Variants in SPATA25 observed in about 807,000 individuals in gnomAD.
SPATA25 encodes the protein spermatogenesis associated 25.
SPATA25 carries 16 observed loss-of-function variants against 16.0 expected under a neutral mutation model. That is an observed-to-expected ratio of 1.00 (90% CI 0.68 to 1.52). The LOEUF (loss-of-function observed/expected upper bound fraction) is 1.52. Ranked by LOEUF, SPATA25 falls within the 40% of genes most tolerant of loss-of-function variation. The pLI is 0.00. For synonymous variants in SPATA25, 115 were observed against 118.5 expected, an observed-to-expected ratio of 0.97 and a Z score of 0.19; for missense variants, 285 against 289.2, an observed-to-expected ratio of 0.99 and a Z score of 0.11.
upstream of SPATA25, chr20:45,890,382 T>C (rs1986710853): frequency 6.2e-7 from 1 of 1,612,754 alleles, no homozygotes; most frequent in Non-Finnish European, 8.5e-7. Context: ...ATGATGTGCA[T>C]GTCGGCCGTG....
At chr20:45,890,524 C>A, upstream of SPATA25, 1 of 1,604,944 alleles carries the variant, frequency 6.2e-7, no homozygotes, top group South Asian at 1.1e-5. Flanking sequence ...CCAGGCGGTC[C>A]CGGGGAATGC....
chr20:45,886,917 T>C lies in SPATA25; in HGVS notation c.284A>G (p.His95Arg). ...EYSRNCHKFP[H>R]VRQLESLGWD... is the part of the protein sequence containing the mutation. ...GCCCAAGCTCTCCAGCTGCCTCACA[T>C]GCGGGAATTTGTGGCAGTTTCGGCT... Residue 95 changes from histidine (H) to arginine (R), a missense_variant, in exon 2 of 2, where the codon CAT (histidine) becomes CGT (arginine). Physicochemically the swap from His to Arg is conservative, Grantham distance 29 (BLOSUM62 0). Coordinates refer to ENST00000372519, the MANE Select transcript of SPATA25 (RefSeq NM_080608.4). The C allele has an allele frequency of 3.1e-6, 5 of 1,614,178 alleles. No homozygotes were observed. Among genetic ancestry groups the C allele is most frequent in the Non-Finnish European group, 4.2e-6 (5 of 1,180,034 alleles).
Position 45,887,038 on chromosome 20 carries a change from C to T in SPATA25, c.163G>A (p.Ala55Thr). 6.2e-7 allele frequency: 1 copy of T among 1,611,746 alleles called. No homozygotes were observed. ...GGGCCCCAGGCCTGGGCAGCAGGTG[C>T]CACCTGCTCAGCTTTCTGGCTCAGT... The part of the protein sequence containing the change: ...GPLSQKAEQV[A>T]PAAQAWGPAL... The change falls in exon 2 of 2, where the codon GCA (alanine) becomes ACA (threonine). Residue 55 changes from alanine (A) to threonine (T), a missense_variant. Transcript: ENST00000372519.
upstream of SPATA25, chr20:45,888,861 T>C (rs1175927767): frequency 5.0e-6 from 8 of 1,613,990 alleles, no homozygotes; most frequent in Non-Finnish European, 6.8e-6. Context: ...GCACAGAGTC[T>C]GCAGGGATGG....
upstream of SPATA25, chr20:45,890,749 C>A (rs1227157151): frequency 6.2e-7 from 1 of 1,613,042 alleles, no homozygotes; most frequent in East Asian, 2.2e-5. Flanking sequence ...GACCGAGACG[C>A]AGATGTCCGC....
At chr20:45,887,514 A>T in intron 1 of SPATA25, 22 bp downstream of exon 1, 1 of 1,611,048 alleles carries the variant, frequency 6.2e-7, no homozygotes, top group Non-Finnish European at 8.5e-7. Context: ...ACTCCCTCCA[A>T]TTGCAGGTGC....
chr20:45,888,498 C>T (rs1190128542), upstream of SPATA25: 1 of 455,302 alleles, frequency 2.2e-6, no homozygotes, highest in Non-Finnish European at 4.0e-6. Flanking sequence ...CACCAGCACT[C>T]TTTACATATC....
upstream of SPATA25, chr20:45,890,634 TGTGGTGGCGC>T (rs764746127): frequency 1.9e-6 from 3 of 1,613,016 alleles, no homozygotes; most frequent in Non-Finnish European, 1.7e-6. Context: ...GGCACGCGGT[TGTGGTGGCGC>T]GTGATGGCGA....
Position 45,887,613 on chromosome 20 carries a change from G to A in SPATA25, c.-23C>T. The A allele has an allele frequency of 6.2e-7, 1 of 1,612,216 alleles. No individual in the cohort carries two copies. The highest frequency in any genetic ancestry group is 8.5e-7 in the Non-Finnish European group (1 of 1,178,700). On this transcript the variant is annotated 5_prime_UTR_variant, in exon 1 of 2. Transcript: ENST00000372519. The stretch of plus-strand genomic sequence containing the variant: ...CATGGCTTCCCCAAAGCCCCGGTTT[G>A]TGAGGGAATAGTGATCTGCCGCCTG...
chr20:45,890,508 G>A (rs762055789), upstream of SPATA25: 14 of 1,598,932 alleles, frequency 8.8e-6, no homozygotes, highest in East Asian at 2.0e-4. Context: ...GGCCGGCTGC[G>A]GCCCACCAGG....
chr20:45,888,838 G>T, upstream of SPATA25: 4 of 1,613,958 alleles, frequency 2.5e-6, no homozygotes, highest in Non-Finnish European at 3.4e-6. Context: ...ATGCTCCTTT[G>T]TATCACTAGG....
upstream of SPATA25, chr20:45,888,683 G>A (rs139297354): frequency 3.0e-4 from 437 of 1,456,392 alleles, no homozygotes; most frequent in African/African-American, 5.4e-3. Flanking sequence ...TGGCAGCAAT[G>A]TGGCCAACTT....
chr20:45,888,392 T>C (rs557571566), upstream of SPATA25, among the ~76,000 whole-genome samples: 9 of 152,334 alleles, frequency 5.9e-5, no homozygotes, highest in South Asian at 1.9e-3. Context: ...ACCCTGGCTG[T>C]ACATGAGAAT....
chr20:45,888,952 G>A (rs1986597259), upstream of SPATA25: 2 of 1,551,896 alleles, frequency 1.3e-6, no homozygotes. Context: ...CTAGGTCATG[G>A]TCCCCACTTT....
In SPATA25 at chr20:45,886,939, G is replaced by C. The variant is rs763961217; in HGVS notation, c.262C>G (p.Arg88Gly). The C allele has an allele frequency of 2.5e-6, 4 of 1,614,060 alleles. No homozygotes were observed. Among genetic ancestry groups the C allele is most frequent in the Non-Finnish European group, 3.4e-6 (4 of 1,180,022 alleles). Residue 88 changes from arginine (R) to glycine (G), a missense_variant, in exon 2 of 2, where the codon CGA (arginine) becomes GGA (glycine). Arg to Gly is a moderately radical substitution (Grantham distance 125). Transcript: ENST00000372519. ...ACATGCGGGAATTTGTGGCAGTTTCGGCTGTATTCCTTCCGTAGTGTCTCC... is the reference window on the plus strand; with the variant it reads ...ACATGCGGGAATTTGTGGCAGTTTCCGCTGTATTCCTTCCGTAGTGTCTCC... ...SWETLRKEYS[R>G]NCHKFPHVRQ...
intron 1 of SPATA25, 145 bp downstream of exon 1, chr20:45,887,391 G>A (rs1345619789): frequency 3.8e-5 from 32 of 846,716 alleles, no homozygotes; most frequent in South Asian, 9.1e-5. Context: ...TGGCAAGGAT[G>A]TTTGGAATGG....
In SPATA25 at chr20:45,886,685, A is replaced by C. The variant is rs1986484494; in HGVS notation, c.516T>G (p.Val172=). 6.2e-7 allele frequency: 1 copy of C among 1,613,994 alleles called. No individual in the cohort carries two copies. Among genetic ancestry groups the C allele is most frequent in the South Asian group, 1.1e-5 (1 of 91,092 alleles). ...CGGCCCAGATCAGGTCCTCTTCCCG[A>C]ACTCCTGGGACGGGCACGGTGGGGA... ...AGIPTVPVPG[V]REEDLIWAAQ... is the part of the protein sequence containing the mutation. Residue 172 remains valine, a synonymous_variant, in exon 2 of 2, where the codon GTT becomes GTG. Coordinates refer to ENST00000372519, the MANE Select transcript of SPATA25 (RefSeq NM_080608.4).
At chr20:45,890,486 C>G, upstream of SPATA25, 1 of 1,597,878 alleles carries the variant, frequency 6.3e-7, no homozygotes, top group Non-Finnish European at 8.5e-7. Context: ...CAAGAGATGG[C>G]TGTAGAGCCC....
chr20:45,890,926 AG>A, upstream of SPATA25: 1 of 1,533,800 alleles, frequency 6.5e-7, no homozygotes, highest in Non-Finnish European at 8.8e-7. Flanking sequence ...AGCGGGTGGG[AG>A]GGGGCTCCGG....
Sources: allele counts gnomAD v4.1 joint callset (sites outside exome capture counted in the v4.1 genomes callset), GRCh38; gene constraint gnomAD v4.1.1; transcripts MANE v1.5; gene names NCBI Gene and HGNC (gene_info 2026-07-23, HGNC 2026-07-21).